The following SEC31B variants were observed in gnomAD, a reference collection of about 807,000 sequenced individuals.
SEC31B encodes SEC31 homolog B, COPII component.
A neutral mutation model predicts 135.0 loss-of-function variants in SEC31B; 113 were observed. The observed-to-expected ratio is 0.84, with a 90% CI of 0.72 to 0.98. The LOEUF (loss-of-function observed/expected upper bound fraction) is 0.98. Ranked by LOEUF, SEC31B falls within the 50% of genes least tolerant of loss-of-function variation. The pLI is 0.00. For synonymous variants in SEC31B, 508 were observed against 549.4 expected (o/e 0.92, Z 1.05); for missense variants, 1,296 against 1,421.1 (o/e 0.91, Z 1.42).
chr10:100,512,457 A>G (rs1851753622), intron 3 of SEC31B, among the ~76,000 whole-genome samples: 1 of 152,214 alleles, frequency 6.6e-6, no homozygotes, highest in Non-Finnish European at 1.5e-5. Context: ...ATCCATATTG[A>G]TTCTGACTGC....
At chr10:100,492,237 T>A (rs1010872895) in intron 19 of SEC31B, among the ~76,000 whole-genome samples, 15 of 152,244 alleles carry the variant, frequency 9.9e-5, no homozygotes, top group African/African-American at 3.6e-4. Flanking sequence ...TTATTTATTT[T>A]TTTTGAGACA....
intron 23 of SEC31B, 60 bp downstream of exon 23, chr10:100,489,192 C>A (rs1210406780): frequency 2.0e-6 from 3 of 1,536,256 alleles, no homozygotes; most frequent in Admixed American, 4.4e-5. Flanking sequence ...TCTACCATGA[C>A]CTGCACCCAA....
At chr10:100,496,494 C>T (rs1006487588) in intron 17 of SEC31B, 63 bp from the exon 18 acceptor site, 77 of 1,558,316 alleles carry the variant, frequency 4.9e-5, no homozygotes, top group African/African-American at 1.2e-4. Context: ...TCTAAGTCCA[C>T]GCAGCTCATT....
chr10:100,518,515 G>A (rs1438954702), intron 1 of SEC31B, among the ~76,000 whole-genome samples: 2 of 152,200 alleles, frequency 1.3e-5, no homozygotes, highest in Non-Finnish European at 2.9e-5. Context: ...CTGACACTGT[G>A]TCGGCTTTTG....
rs1188914029 is a variant in SEC31B, at chr10:100,506,355, C to T, written c.848G>A (p.Ser283Asn). ...AELLLTSAKD[S>N]QILCRNLGSS... is the part of the protein sequence containing the mutation. The stretch of plus-strand genomic sequence containing the variant: ...CCCCAGGTTCCGGCACAAGATCTGG[C>T]TGTCCTTAGCACTAGTGAGCAGCAG... Residue 283 changes from serine (S) to asparagine (N), a missense_variant, in exon 8 of 26, where the codon AGC becomes AAC. By Grantham distance (46) the Ser-to-Asn change is conservative (BLOSUM62 1). Coordinates refer to ENST00000370345, the MANE Select transcript of SEC31B (RefSeq NM_015490.4). 3 of 1,614,186 alleles carry T rather than the reference C, an allele frequency of 1.9e-6. No individual in the cohort carries two copies. The highest frequency in any genetic ancestry group is 2.5e-6 in the Non-Finnish European group (3 of 1,180,030).
intron 5 of SEC31B, 69 bp downstream of exon 5, chr10:100,508,938 G>T: frequency 7.8e-7 from 1 of 1,280,988 alleles, no homozygotes; most frequent in Non-Finnish European, 1.1e-6. Context: ...ATTGGCTCCA[G>T]AACTCAAGAC....
At chr10:100,511,259 G>T (rs765459755) in intron 3 of SEC31B, among the ~76,000 whole-genome samples, 3 of 152,224 alleles carry the variant, frequency 2.0e-5, no homozygotes, top group Non-Finnish European at 2.9e-5. Flanking sequence ...TAAAGCTGGC[G>T]CCTGAATAGG....
intron 10 of SEC31B, among the ~76,000 whole-genome samples, chr10:100,504,844 T>C (rs996778874): frequency 1.3e-5 from 2 of 149,432 alleles, no homozygotes; most frequent in African/African-American, 5.0e-5. Context: ...ACAGGAAGAG[T>C]TGAGGAGTTA....
In SEC31B at chr10:100,508,187, C is replaced by T. The variant is rs190561826; in HGVS notation, c.496-136G>A. The T allele has an allele frequency of 1.1e-4, 113 of 1,059,418 alleles. No individual in the cohort carries two copies. The East Asian group carries it at 2.2e-3, about 21-fold the overall frequency. 65.6% of individuals were successfully genotyped at this position (1,059,418 alleles called of 1,614,324 possible). On this transcript the variant is annotated intron_variant, in intron 5 of 25. Transcript: ENST00000370345. The stretch of plus-strand genomic sequence containing the variant: ...GGCTACCCAAACTAAGACAGTGTTG[C>T]GAAGCTGGGAGTTGAATTTTCCAGG...
Position 100,499,218 on chromosome 10 carries a change from C to T in SEC31B, c.1526G>A (p.Ser509Asn), listed in dbSNP as rs560691397. 1 of 1,613,806 alleles carries T rather than the reference C, an allele frequency of 6.2e-7. No homozygotes were observed. Among genetic ancestry groups the T allele is most frequent in the African/African-American group, 1.3e-5 (1 of 75,006 alleles). The stretch of plus-strand genomic sequence containing the variant: ...GAGGTCATTTCCCTTGGGCTGAGGA[C>T]TCTCACCTAGCCCCACGTCACTCTT... Reference protein sequence around the residue: ...WLKSDVGLGESPQPKGNDLNS... With the variant: ...WLKSDVGLGENPQPKGNDLNS... The change falls in exon 13 of 26, where the codon AGT becomes AAT. Residue 509 changes from serine to asparagine, a missense_variant. Ser to Asn is a conservative substitution (Grantham distance 46, BLOSUM62 1). Coordinates refer to ENST00000370345, the MANE Select transcript of SEC31B (RefSeq NM_015490.4).
In SEC31B at chr10:100,499,071, A is replaced by T. The variant is rs372742631; in HGVS notation, c.1584+89T>A. The stretch of plus-strand genomic sequence containing the variant: ...CTACAGACGCTAAACACTTACAGAC[A>T]GCAAAGAAAAGGGCCAGGAAGGGAA... On this transcript the variant is annotated intron_variant, in intron 13 of 25. Coordinates refer to ENST00000370345, the MANE Select transcript of SEC31B (RefSeq NM_015490.4). The T allele has an allele frequency of 1.9e-4, 203 of 1,041,070 alleles. 1 individual carries two copies. The African/African-American group carries it at 2.7e-3, about 14-fold the overall frequency. 64.5% of individuals were successfully genotyped at this position (1,041,070 alleles called of 1,614,324 possible). A position where few individuals can be genotyped will look rare whatever the true frequency, so the allele number is the denominator to read the frequency against.
At chr10:100,511,853 T>C (rs1851743092) in intron 3 of SEC31B, among the ~76,000 whole-genome samples, 1 of 152,192 alleles carries the variant, frequency 6.6e-6, no homozygotes, top group South Asian at 2.1e-4. Flanking sequence ...GAATGGAGCA[T>C]TGGTTGTTTG....
Position 100,495,469 on chromosome 10 carries a change from G to GAA in SEC31B, c.2386_2387dup (p.Pro797SerfsTer66). 1 of 1,613,926 alleles carries GAA rather than the reference G, an allele frequency of 6.2e-7. No individual in the cohort carries two copies. Among genetic ancestry groups the GAA allele is most frequent in the Non-Finnish European group, 8.5e-7 (1 of 1,179,864 alleles). On this transcript the variant is annotated frameshift_variant, in exon 19 of 26. Coordinates refer to ENST00000370345, the MANE Select transcript of SEC31B (RefSeq NM_015490.4). LOFTEE classifies it high-confidence loss of function. The stretch of plus-strand genomic sequence containing the variant: ...CTCCCACAACAATCCGGGGGAAGGG[G>GAA]AAAGGGGGAGACTGTTGGCCCAAGA...
chr10:100,497,439 C>T (rs1034851929), intron 16 of SEC31B, 159 bp from the exon 17 acceptor site: 11 of 1,477,990 alleles, frequency 7.4e-6, no homozygotes, highest in Non-Finnish European at 9.0e-6. Context: ...GGAAAGTTCT[C>T]ACATCATGGT....
intron 1 of SEC31B, among the ~76,000 whole-genome samples, chr10:100,519,527 G>T (rs1352411626): frequency 1.3e-5 from 2 of 152,250 alleles, no homozygotes; most frequent in African/African-American, 4.8e-5. Context: ...ATGGGAAGGC[G>T]CAAGGCAGCA....
intron 9 of SEC31B, 169 bp from the exon 10 acceptor site, chr10:100,505,664 T>C: frequency 7.0e-7 from 1 of 1,422,386 alleles, no homozygotes; most frequent in Non-Finnish European, 9.1e-7. Context: ...AGGGTGGGAC[T>C]CCCATGCAAG....
chr10:100,502,256 T>A lies in SEC31B; in HGVS notation c.1408A>T (p.Lys470Ter). The A allele has an allele frequency of 1.9e-6, 3 of 1,613,348 alleles. No individual in the cohort carries two copies. ...QSEKMLWQFL[K>*]VTLEQDSRMK... ...CAGCTAGCCTTCAGGCTTCCCACCT[T>A]CAGGAACTGCCACAGCATCTTTTCA... Residue 470 changes from lysine to a stop codon, truncating the protein, a stop_gained and splice_region_variant, in exon 11 of 26, where the codon AAG (lysine) becomes TAG (stop). Transcript: ENST00000370345. LOFTEE classifies it high-confidence loss of function.
rs1386398825 is a variant in SEC31B, at chr10:100,496,244, A to G, written c.2310+14T>C. ...GAATGAAATGGTTTGCTCTCTCCACATGGCCCCACTTACCTGAGCACAGTC... is the reference window on the plus strand; with the variant it reads ...GAATGAAATGGTTTGCTCTCTCCACGTGGCCCCACTTACCTGAGCACAGTC... On this transcript the variant is annotated intron_variant, in intron 18 of 25. Transcript: ENST00000370345. The G allele has an allele frequency of 6.8e-6, 11 of 1,612,786 alleles. No individual in the cohort carries two copies. Among genetic ancestry groups the G allele is most frequent in the Non-Finnish European group, 8.5e-6 (10 of 1,179,204 alleles).
intron 25 of SEC31B, 67 bp downstream of exon 25, chr10:100,487,960 G>C: frequency 6.4e-7 from 1 of 1,556,768 alleles, no homozygotes; most frequent in Non-Finnish European, 8.9e-7. Context: ...AAAGACACTG[G>C]GCTTCCTTTG....
Sources: gnomAD v4.1 joint callset for allele counts (sites outside exome capture counted in the v4.1 genomes callset) on GRCh38, gnomAD v4.1.1 for gene constraint, MANE v1.5 for transcripts, NCBI Gene and HGNC (gene_info 2026-07-23, HGNC 2026-07-21) for gene names.